XNDC1N: variants seen among roughly 807,000 people sequenced by gnomAD.
XNDC1N encodes the protein protein XNDC1N.
At chr11:71,871,168 T>G in the XNDC1N span, among the ~76,000 whole-genome samples, 15 of 152,286 alleles carry the variant, frequency 9.8e-5, no homozygotes, top group Non-Finnish European at 1.5e-4. Flanking sequence ...GAAAATATAG[T>G]ATATATACAC....
the XNDC1N span, among the ~76,000 whole-genome samples, chr11:71,926,877 G>GGTGACAAA: frequency 6.6e-6 from 1 of 151,184 alleles, no homozygotes; most frequent in African/African-American, 2.4e-5. Context: ...CTCCAGCCTG[G>GGTGACAAA]GTGACAAAGT....
chr11:71,909,998 G>A, the XNDC1N span, among the ~76,000 whole-genome samples: 121 of 152,250 alleles, frequency 7.9e-4, no homozygotes, highest in Non-Finnish European at 1.5e-3. Context: ...CCAAGAGTAC[G>A]GGCAGAAGAC....
At chr11:71,886,544 C>T in the XNDC1N span, among the ~76,000 whole-genome samples, 2 of 152,016 alleles carry the variant, frequency 1.3e-5, no homozygotes, top group East Asian at 3.9e-4. Context: ...TCTCTGAGGA[C>T]ATTCAGGGTA....
At chr11:71,906,375 C>A in the XNDC1N span, among the ~76,000 whole-genome samples, 1 of 152,026 alleles carries the variant, frequency 6.6e-6, no homozygotes, top group Non-Finnish European at 1.5e-5. Flanking sequence ...AATGCCTACA[C>A]CCCCTGCGTC....
At chr11:71,925,562 G>A in the XNDC1N span, among the ~76,000 whole-genome samples, 4 of 152,146 alleles carry the variant, frequency 2.6e-5, no homozygotes, top group Non-Finnish European at 4.4e-5. Context: ...TTCCCACTAC[G>A]GGAACTCACT....
chr11:71,898,106 C>A, the XNDC1N span, among the ~76,000 whole-genome samples: 1 of 152,076 alleles, frequency 6.6e-6, no homozygotes, highest in Non-Finnish European at 1.5e-5. Context: ...ATCGCTGGAA[C>A]CCAGGAGGCG....
chr11:71,906,402 C>T, the XNDC1N span, among the ~76,000 whole-genome samples: 1 of 152,070 alleles, frequency 6.6e-6, no homozygotes, highest in South Asian at 2.1e-4. Context: ...AGTACAATTG[C>T]ACTAGGATAT....
At chr11:71,921,433 C>T in the XNDC1N span, among the ~76,000 whole-genome samples, 3 of 151,966 alleles carry the variant, frequency 2.0e-5, no homozygotes, top group African/African-American at 4.8e-5. Flanking sequence ...TGTAAGCCAC[C>T]GCACCTGGCT....
At chr11:71,915,984 T>C in the XNDC1N span, 1 of 650,834 alleles carries the variant, frequency 1.5e-6, no homozygotes, top group Non-Finnish European at 2.8e-6. Flanking sequence ...CGTGTGTGTG[T>C]GTCTATGTCT....
At chr11:71,892,918 G>T in the XNDC1N span, among the ~76,000 whole-genome samples, 1 of 152,018 alleles carries the variant, frequency 6.6e-6, no homozygotes, top group Non-Finnish European at 1.5e-5. Flanking sequence ...GAAGGATGAT[G>T]ATAAATATGA....
the XNDC1N span, among the ~76,000 whole-genome samples, chr11:71,891,584 T>C: frequency 2.6e-5 from 4 of 152,054 alleles, no homozygotes; most frequent in African/African-American, 9.7e-5. Context: ...ACACCGCGGG[T>C]ATACGTTTCC....
At chr11:71,897,076 A>G in the XNDC1N span, among the ~76,000 whole-genome samples, 1 of 152,228 alleles carries the variant, frequency 6.6e-6, no homozygotes. Flanking sequence ...GCAAAAATTA[A>G]CAAAAACTGG....
the XNDC1N span, among the ~76,000 whole-genome samples, chr11:71,890,133 C>A: frequency 6.6e-6 from 1 of 152,276 alleles, no homozygotes; most frequent in Non-Finnish European, 1.5e-5. Context: ...TAAAACAACA[C>A]CACAAGGGGC....
the XNDC1N span, among the ~76,000 whole-genome samples, chr11:71,919,986 CTG>C: frequency 2.1e-5 from 2 of 95,286 alleles, no homozygotes; most frequent in East Asian, 7.4e-4. Flanking sequence ...GAGTCTCGCT[CTG>C]TCTCTGTCGT....
the XNDC1N span, among the ~76,000 whole-genome samples, chr11:71,896,754 G>A: frequency 2.0e-5 from 3 of 152,184 alleles, no homozygotes; most frequent in East Asian, 5.8e-4. Flanking sequence ...GTAGAGACGG[G>A]GGTTTCTCCC....
At chr11:71,919,929 C>CTTTTTTTTTTTTTTTTTTT in the XNDC1N span, among the ~76,000 whole-genome samples, 3 of 26,628 alleles carry the variant, frequency 1.1e-4, no homozygotes, top group East Asian at 1.2e-3. Flanking sequence ...AAGCAGGCCT[C>CTTTTTTTTTTTTTTTTTTT]TTTTTTTTTT....
At chr11:71,898,402 T>C in the XNDC1N span, among the ~76,000 whole-genome samples, 122 of 151,610 alleles carry the variant, frequency 8.0e-4, no homozygotes, top group African/African-American at 2.7e-3. Context: ...AGCTCAGGAG[T>C]TCGAGAACAG....
chr11:71,872,432 C>T, the XNDC1N span, among the ~76,000 whole-genome samples: 9 of 152,300 alleles, frequency 5.9e-5, no homozygotes, highest in South Asian at 1.9e-3. Context: ...AATCACCTAG[C>T]TCAATCTGTA....
the XNDC1N span, among the ~76,000 whole-genome samples, chr11:71,920,913 C>T: frequency 9.4e-4 from 143 of 152,166 alleles, no homozygotes; most frequent in African/African-American, 3.3e-3. Flanking sequence ...TGCGGTCAGC[C>T]GAGACTGCAC....
Sources: allele counts gnomAD v4.1 joint callset (sites outside exome capture counted in the v4.1 genomes callset), GRCh38; gene constraint gnomAD v4.1.1; transcripts MANE v1.5; gene names NCBI Gene and HGNC (gene_info 2026-07-23, HGNC 2026-07-21).